The following SLC24A2 variants were observed in gnomAD, a reference collection of about 807,000 sequenced individuals.
SLC24A2 encodes sodium/potassium/calcium exchanger 2.
A neutral mutation model predicts 62.0 loss-of-function variants in SLC24A2; 36 were observed. The observed-to-expected ratio is 0.58, with a 90% CI of 0.44 to 0.77. The LOEUF is 0.77. Among genes scored for constraint, SLC24A2 ranks in the 30% least tolerant of loss-of-function variants. The pLI, the probability that SLC24A2 is intolerant of heterozygous loss-of-function variation, is 0.00. For synonymous variants in SLC24A2, 358 were observed against 294.0 expected (o/e 1.22, Z -2.23); for missense variants, 846 against 817.9 (o/e 1.03, Z -0.42).
At chr9:19,648,977 A>C (rs1479863746) in intron 2 of SLC24A2, among the ~76,000 whole-genome samples, 1 of 120,466 alleles carries the variant, frequency 8.3e-6, no homozygotes, top group Non-Finnish European at 1.7e-5. Context: ...GGCTTAGTGA[A>C]TTTTGTCATG....
chr9:19,740,864 A>G (rs886443420), intron 2 of SLC24A2, among the ~76,000 whole-genome samples: 20 of 125,338 alleles, frequency 1.6e-4, no homozygotes, highest in African/African-American at 6.0e-4. Flanking sequence ...TCCATTATAA[A>G]AAGGACCAAA....
the SLC24A2 span, among the ~76,000 whole-genome samples, chr9:19,983,942 A>G: frequency 6.6e-6 from 1 of 152,208 alleles, no homozygotes; most frequent in African/African-American, 2.4e-5. Context: ...CAATGGTTAG[A>G]CTTATTGTTT....
chr9:19,883,644 C>T, the SLC24A2 span, among the ~76,000 whole-genome samples: 7 of 151,596 alleles, frequency 4.6e-5, no homozygotes, highest in African/African-American at 1.2e-4. Context: ...CGGCTCACTG[C>T]AAGCTCCGCC....
the SLC24A2 span, among the ~76,000 whole-genome samples, chr9:20,121,075 T>G: frequency 6.7e-6 from 1 of 149,052 alleles, no homozygotes; most frequent in South Asian, 2.2e-4. Context: ...ACTTTGTTGT[T>G]CTTTCTCAGT....
At chr9:19,552,841 G>T (rs1356285617) in intron 7 of SLC24A2, among the ~76,000 whole-genome samples, 1 of 152,188 alleles carries the variant, frequency 6.6e-6, no homozygotes, top group African/African-American at 2.4e-5. Context: ...CTAGCAAATA[G>T]CAGAAAATAA....
chr9:19,759,850 T>C (rs894718950), intron 2 of SLC24A2, among the ~76,000 whole-genome samples: 4 of 152,174 alleles, frequency 2.6e-5, no homozygotes, highest in Non-Finnish European at 4.4e-5. Flanking sequence ...TGAACCACCC[T>C]TGAGGCCCAT....
chr9:19,826,849 C>A, the SLC24A2 span, among the ~76,000 whole-genome samples: 1 of 152,190 alleles, frequency 6.6e-6, no homozygotes, highest in Non-Finnish European at 1.5e-5. Context: ...AGATTCAGGG[C>A]AGATTGTGAA....
At chr9:19,856,536 C>A in the SLC24A2 span, among the ~76,000 whole-genome samples, 1 of 152,014 alleles carries the variant, frequency 6.6e-6, no homozygotes, top group East Asian at 1.9e-4. Context: ...ACAGGTAAGA[C>A]CCTCTTCCAT....
At chr9:19,547,689 C>T (rs1272811700) in intron 8 of SLC24A2, among the ~76,000 whole-genome samples, 1 of 151,554 alleles carries the variant, frequency 6.6e-6, no homozygotes, top group Non-Finnish European at 1.5e-5. Flanking sequence ...CAAACATCCT[C>T]TCATCAACCA....
chr9:19,799,060 C>G, the SLC24A2 span, among the ~76,000 whole-genome samples: 1 of 152,104 alleles, frequency 6.6e-6, no homozygotes, highest in Admixed American at 6.6e-5. Flanking sequence ...ATTCTACTAA[C>G]TCTTTTTAAA....
chr9:19,853,518 G>A, the SLC24A2 span, among the ~76,000 whole-genome samples: 39 of 152,242 alleles, frequency 2.6e-4, no homozygotes, highest in Non-Finnish European at 4.6e-4. Context: ...TTAACATGAA[G>A]GGATGTTGAA....
chr9:19,746,889 C>A (rs901948373), intron 2 of SLC24A2, among the ~76,000 whole-genome samples: 2 of 152,074 alleles, frequency 1.3e-5, no homozygotes, highest in Non-Finnish European at 2.9e-5. Flanking sequence ...CCTGCTAGAT[C>A]TGTATTTCAG....
the SLC24A2 span, among the ~76,000 whole-genome samples, chr9:19,889,369 AATT>A: frequency 0.4 from 60,011 of 151,132 alleles, 12,462 homozygotes; most frequent in East Asian, 0.82. Flanking sequence ...CATAAATTGT[AATT>A]ATTATTATTA....
the SLC24A2 span, among the ~76,000 whole-genome samples, chr9:19,862,853 A>T: frequency 6.6e-6 from 1 of 152,044 alleles, no homozygotes; most frequent in Admixed American, 6.6e-5. Context: ...TACCCAAAAA[A>T]TAAAAAGCAA....
chr9:20,165,747 T>C, the SLC24A2 span, among the ~76,000 whole-genome samples: 1 of 151,886 alleles, frequency 6.6e-6, no homozygotes, highest in Non-Finnish European at 1.5e-5. Context: ...GCTTTCTAAA[T>C]GTGACTCAAA....
intron 7 of SLC24A2, among the ~76,000 whole-genome samples, chr9:19,572,477 G>C (rs1835866208): frequency 6.6e-6 from 1 of 152,004 alleles, no homozygotes; most frequent in Non-Finnish European, 1.5e-5. Context: ...TACTGAGTGG[G>C]TTCTCATGAG....
At chr9:20,131,112 G>T in the SLC24A2 span, among the ~76,000 whole-genome samples, 1 of 151,204 alleles carries the variant, frequency 6.6e-6, no homozygotes, top group Non-Finnish European at 1.5e-5. Flanking sequence ...TATAAAAGGG[G>T]GTCCAGCAGT....
At chr9:20,196,742 T>C in the SLC24A2 span, among the ~76,000 whole-genome samples, 1 of 152,196 alleles carries the variant, frequency 6.6e-6, no homozygotes, top group South Asian at 2.1e-4. Context: ...AATAACTTTA[T>C]TTTCCTAATT....
the SLC24A2 span, among the ~76,000 whole-genome samples, chr9:20,123,947 C>T: frequency 2.6e-5 from 4 of 152,076 alleles, no homozygotes; most frequent in Admixed American, 6.6e-5. Flanking sequence ...AATACTATAC[C>T]TAACTGTTCA....
Sources: allele counts gnomAD v4.1 joint callset (sites outside exome capture counted in the v4.1 genomes callset), GRCh38; gene constraint gnomAD v4.1.1; transcripts MANE v1.5; gene names NCBI Gene and HGNC (gene_info 2026-07-23, HGNC 2026-07-21).